Variants in GABRA2 observed in about 807,000 individuals in gnomAD.
GABRA2 encodes the protein gamma-aminobutyric acid receptor subunit alpha-2.
A neutral mutation model predicts 48.7 loss-of-function variants in GABRA2; 16 were observed. That is an observed-to-expected ratio of 0.33 (90% CI 0.22 to 0.50). The LOEUF (loss-of-function observed/expected upper bound fraction) is 0.50, where lower values mean the gene tolerates loss of function less well. Ranked by LOEUF, GABRA2 falls within the 20% of genes least tolerant of loss-of-function variation. The pLI, the probability that GABRA2 is intolerant of heterozygous loss-of-function variation, is 0.98. For synonymous variants in GABRA2, 185 were observed against 184.5 expected (o/e 1.00, Z -0.02); for missense variants, 275 against 535.6 (o/e 0.51, Z 4.80).
intron 7 of GABRA2, among the ~76,000 whole-genome samples, chr4:46,305,365 T>C (rs543508567): frequency 6.6e-6 from 1 of 151,428 alleles, no homozygotes; most frequent in South Asian, 2.1e-4. Context: ...TATACATATG[T>C]AACTAACCTG....
intron 9 of GABRA2, among the ~76,000 whole-genome samples, chr4:46,256,754 T>C (rs1222917958): frequency 6.6e-6 from 1 of 151,640 alleles, no homozygotes; most frequent in Non-Finnish European, 1.5e-5. Flanking sequence ...TTTGATGAAC[T>C]GCCTGAAATA....
intron 8 of GABRA2, among the ~76,000 whole-genome samples, chr4:46,280,148 G>T (rs1348258766): frequency 6.6e-6 from 1 of 152,016 alleles, no homozygotes; most frequent in Non-Finnish European, 1.5e-5. Context: ...TATAATGTTG[G>T]AAGATGATCT....
At chr4:46,274,953 CAA>C (rs1489944312) in intron 8 of GABRA2, among the ~76,000 whole-genome samples, 1 of 151,952 alleles carries the variant, frequency 6.6e-6, no homozygotes, top group Non-Finnish European at 1.5e-5. Context: ...TAAGAAAAAT[CAA>C]AAGACACTTA....
chr4:46,266,598 T>A (rs551690781), intron 8 of GABRA2, among the ~76,000 whole-genome samples: 1 of 151,500 alleles, frequency 6.6e-6, no homozygotes, highest in East Asian at 1.9e-4. Flanking sequence ...TATTATGATA[T>A]ATCCAGTTGT....
In GABRA2 at chr4:46,358,773, G is replaced by A. The variant is rs1250437410; in HGVS notation, c.188-26091C>T. ...TATCTCTGAGCAATCTTCTATCAGA[G>A]AGTCCTTTTATCTACATGTTATGCC... On this transcript the variant is annotated intron_variant, in intron 3 of 9. Transcript: ENST00000381620. Among the ~76,000 whole-genome samples, 3 of 152,142 alleles carry A rather than the reference G, an allele frequency of 2.0e-5. No individual in the cohort carries two copies. In the East Asian group the frequency reaches 5.8e-4, roughly 29 times the overall value.
intron 8 of GABRA2, among the ~76,000 whole-genome samples, chr4:46,278,615 T>C (rs1353259541): frequency 6.6e-6 from 1 of 152,192 alleles, no homozygotes; most frequent in Admixed American, 6.5e-5. Context: ...CCAAAAGTTG[T>C]AAAGAAATGT....
At chr4:46,358,737 C>T (rs1488477362) in intron 3 of GABRA2, among the ~76,000 whole-genome samples, 1 of 152,180 alleles carries the variant, frequency 6.6e-6, no homozygotes, top group East Asian at 1.9e-4. Flanking sequence ...TAGGATTAGT[C>T]TCAGACTAAA....
intron 6 of GABRA2, 64 bp downstream of exon 6, chr4:46,310,109 G>T: frequency 1.8e-6 from 2 of 1,099,466 alleles, no homozygotes; most frequent in South Asian, 1.3e-5. Flanking sequence ...AGACAATTGA[G>T]CAGTGCTGCT....
At chr4:46,311,418 T>C (rs1020359041) in intron 5 of GABRA2, among the ~76,000 whole-genome samples, 1 of 152,232 alleles carries the variant, frequency 6.6e-6, no homozygotes, top group African/African-American at 2.4e-5. Context: ...TTTCTGTCTA[T>C]ATATAATGCT....
intron 8 of GABRA2, among the ~76,000 whole-genome samples, chr4:46,295,888 A>G (rs6447507): frequency 0.5 from 76,734 of 152,032 alleles, 20,605 homozygotes; most frequent in African/African-American, 0.69. Flanking sequence ...ATGGACTCAT[A>G]GAATGCCTTA....
At chr4:46,390,149 G>C (rs994053150), upstream of GABRA2, 4 of 644,020 alleles carry the variant, frequency 6.2e-6, no homozygotes, top group South Asian at 2.0e-4. Flanking sequence ...GAGTCAGGCC[G>C]GGTAGGAGGG....
intron 3 of GABRA2, among the ~76,000 whole-genome samples, chr4:46,347,030 A>G (rs553152484): frequency 6.6e-6 from 1 of 152,018 alleles, no homozygotes; most frequent in East Asian, 1.9e-4. Context: ...CTTAGGAGTA[A>G]ATTTAACCAA....
intron 9 of GABRA2, chr4:46,260,829 GAAAT>G (rs1223141286): frequency 6.6e-6 from 1 of 151,758 alleles, no homozygotes; most frequent in African/African-American, 2.4e-5. Context: ...CTTATAAAAT[GAAAT>G]AAATAATCAG....
intron 5 of GABRA2, among the ~76,000 whole-genome samples, chr4:46,311,899 G>A (rs1000241452): frequency 6.6e-6 from 1 of 152,122 alleles, no homozygotes; most frequent in East Asian, 1.9e-4. Context: ...AGGAGTTCGG[G>A]GCCAGCCTGG....
At chr4:46,252,949 T>C (rs1715080786) in intron 9 of GABRA2, among the ~76,000 whole-genome samples, 1 of 151,404 alleles carries the variant, frequency 6.6e-6, no homozygotes, top group African/African-American at 2.4e-5. Flanking sequence ...GAGAAACATA[T>C]ATTCTCCTAG....
At chr4:46,389,370 C>G (rs1459213734) in intron 1 of GABRA2, 1 of 985,242 alleles carries the variant, frequency 1.0e-6, no homozygotes, top group Non-Finnish European at 1.2e-6. Context: ...TGCTGCGAAA[C>G]GACGCGTTTG....
At chr4:46,326,851 C>A (rs1048769953) in intron 4 of GABRA2, among the ~76,000 whole-genome samples, 3 of 151,994 alleles carry the variant, frequency 2.0e-5, no homozygotes, top group South Asian at 4.1e-4. Flanking sequence ...AATGTTCATC[C>A]CCGAGCAACA....
rs148907942 is a variant in GABRA2 at position 46,287,854 on chromosome 4, A to G, written c.856+15606T>C. ...CTATTTTCACACTGCTGATAAAGATATACCTGAGACTGGCCAATCTACAAA... is the reference window on the plus strand; with the variant it reads ...CTATTTTCACACTGCTGATAAAGATGTACCTGAGACTGGCCAATCTACAAA... On this transcript the variant is annotated intron_variant, in intron 8 of 9. Coordinates refer to ENST00000381620, the MANE Select transcript of GABRA2 (RefSeq NM_000807.4). 6.1e-3 allele frequency among the ~76,000 whole-genome samples: 927 copies of G among 152,312 alleles called. 12 individuals carry two copies. The highest frequency in any genetic ancestry group is 0.021 in the African/African-American group (890 of 41,576).
chr4:46,259,508 C>A (rs906130253), intron 9 of GABRA2, among the ~76,000 whole-genome samples: 1 of 151,802 alleles, frequency 6.6e-6, no homozygotes, highest in African/African-American at 2.4e-5. Flanking sequence ...ATTTAAGTAA[C>A]GGTGCACATT....
Sources: gnomAD v4.1 joint callset for allele counts (sites outside exome capture counted in the v4.1 genomes callset) on GRCh38, gnomAD v4.1.1 for gene constraint, MANE v1.5 for transcripts, NCBI Gene and HGNC (gene_info 2026-07-23, HGNC 2026-07-21) for gene names.